TRHDE: variants seen among roughly 807,000 people sequenced by gnomAD.
The protein encoded by TRHDE is thyrotropin-releasing hormone-degrading ectoenzyme.
TRHDE carries 72 observed loss-of-function variants against 125.7 expected under a neutral mutation model. The observed-to-expected ratio is 0.57, with a 90% CI of 0.47 to 0.70. The LOEUF (loss-of-function observed/expected upper bound fraction) is 0.70. Among genes scored for constraint, TRHDE ranks in the 30% least tolerant of loss-of-function variants. The pLI, the probability that TRHDE is intolerant of heterozygous loss-of-function variation, is 0.00. For synonymous variants in TRHDE, 509 were observed against 509.1 expected, an observed-to-expected ratio of 1.00 and a Z score of 0.00; for missense variants, 1,110 against 1,327.1, an observed-to-expected ratio of 0.84 and a Z score of 2.54.
intron 2 of TRHDE, chr12:72,254,690 C>T (rs1326258029): frequency 6.6e-6 from 1 of 152,202 alleles, no homozygotes; most frequent in African/African-American, 2.4e-5. Context: ...ACCCACTTAA[C>T]CATCTTCCTA....
rs537280856 is a variant in TRHDE, at chr12:72,467,556, C to G, written c.1316-2202C>G. Among the ~76,000 whole-genome samples the G allele has an allele frequency of 3.3e-5, 5 of 152,282 alleles. No individual in the cohort carries two copies. In the East Asian group the frequency reaches 7.7e-4, roughly 24 times the overall value. ...AACCAGCCAGGCGCGATGGCTCAGG[C>G]CTGTAATCCTAGCACTTTGGGAGGC... On this transcript the variant is annotated intron_variant, in intron 3 of 18. Coordinates refer to ENST00000261180, the MANE Select transcript of TRHDE (RefSeq NM_013381.3).
chr12:72,263,487 G>T (rs1440145970), intron 2 of TRHDE: 1 of 152,006 alleles, frequency 6.6e-6, no homozygotes, highest in Non-Finnish European at 1.5e-5. Context: ...AGGTTAAATG[G>T]AGGATTATAG....
chr12:72,203,435 T>A (rs1328566943), intron 2 of TRHDE, among the ~76,000 whole-genome samples: 1 of 151,886 alleles, frequency 6.6e-6, no homozygotes, highest in Non-Finnish European at 1.5e-5. Flanking sequence ...GCCACTGCAC[T>A]CCAGCCTGGG....
At chr12:72,634,764 T>A (rs895398098) in intron 15 of TRHDE, among the ~76,000 whole-genome samples, 1 of 151,080 alleles carries the variant, frequency 6.6e-6, no homozygotes, top group African/African-American at 2.4e-5. Flanking sequence ...TGGTTTTTTG[T>A]TCTTGTGATA....
At chr12:72,533,104 TTGTTTTTGG>T (rs1426653284) in intron 6 of TRHDE, among the ~76,000 whole-genome samples, 5 of 152,106 alleles carry the variant, frequency 3.3e-5, no homozygotes, top group Non-Finnish European at 7.4e-5. Flanking sequence ...TTGTTGTTGT[TTGTTTTTGG>T]TGTATTTCTT....
intron 2 of TRHDE, among the ~76,000 whole-genome samples, chr12:72,247,756 G>A (rs1216234045): frequency 6.6e-6 from 1 of 150,808 alleles, no homozygotes; most frequent in African/African-American, 2.4e-5. Context: ...TTTGTGTGGA[G>A]ATTGAGCCAG....
chr12:72,451,375 A>G (rs1276221928), intron 3 of TRHDE, among the ~76,000 whole-genome samples: 1 of 152,144 alleles, frequency 6.6e-6, no homozygotes, highest in Admixed American at 6.6e-5. Flanking sequence ...CATTTATTGA[A>G]GGGACTGTCC....
chr12:72,530,119 T>C (rs1485784910), intron 6 of TRHDE, among the ~76,000 whole-genome samples: 1 of 152,156 alleles, frequency 6.6e-6, no homozygotes, highest in Non-Finnish European at 1.5e-5. Context: ...TTCTTCCCTC[T>C]GTAGAATGTT....
chr12:72,369,707 G>A (rs1565715774), intron 2 of TRHDE, among the ~76,000 whole-genome samples: 1 of 152,030 alleles, frequency 6.6e-6, no homozygotes, highest in Non-Finnish European at 1.5e-5. Flanking sequence ...TCCAGTCCCT[G>A]CATACCATTT....
chr12:72,621,635 G>A lies in TRHDE; in HGVS notation c.2568-9G>A. On this transcript the variant is annotated splice_polypyrimidine_tract_variant and intron_variant, in intron 14 of 18. Transcript: ENST00000261180. ...CTTTTTAATTTGTTTCCCTTTTGAT[G>A]ATATCTAGAGAACTACGTAGAGAAG... is the stretch of plus-strand genomic sequence containing the variant. 6.3e-7 allele frequency: 1 copy of A among 1,584,098 alleles called. No individual in the cohort carries two copies. The highest frequency in any genetic ancestry group is 8.6e-7 in the Non-Finnish European group (1 of 1,163,020).
intron 6 of TRHDE, among the ~76,000 whole-genome samples, chr12:72,531,228 T>G (rs547601541): frequency 2.8e-4 from 43 of 152,228 alleles, no homozygotes; most frequent in African/African-American, 1.0e-3. Context: ...AGATTAAATG[T>G]TTTTCATGTA....
chr12:72,635,579 T>C (rs1234230322), intron 15 of TRHDE, among the ~76,000 whole-genome samples: 4 of 152,138 alleles, frequency 2.6e-5, no homozygotes, highest in South Asian at 2.1e-4. Flanking sequence ...TCCTTGCCCG[T>C]GCCTATGTCC....
intron 2 of TRHDE, among the ~76,000 whole-genome samples, chr12:72,338,378 A>G (rs549217970): frequency 2.0e-5 from 3 of 152,296 alleles, no homozygotes; most frequent in Admixed American, 6.5e-5. Context: ...GCACTTGGTA[A>G]TTTTTAAATA....
At chr12:72,246,997 C>G (rs1175738326) in intron 2 of TRHDE, among the ~76,000 whole-genome samples, 1 of 152,136 alleles carries the variant, frequency 6.6e-6, no homozygotes, top group Non-Finnish European at 1.5e-5. Context: ...GTATATATTG[C>G]ATGCTAAAGC....
intron 2 of TRHDE, among the ~76,000 whole-genome samples, chr12:72,374,021 G>A (rs964984957): frequency 2.0e-5 from 3 of 152,086 alleles, no homozygotes; most frequent in African/African-American, 7.2e-5. Context: ...AAGGAGCAAG[G>A]GACGAGGCAT....
chr12:72,374,536 A>G (rs1239383763), intron 2 of TRHDE, among the ~76,000 whole-genome samples: 1 of 152,158 alleles, frequency 6.6e-6, no homozygotes, highest in African/African-American at 2.4e-5. Flanking sequence ...AAAGAGATCA[A>G]TGTATTGAAA....
At chr12:72,376,610 C>T (rs953697707) in intron 2 of TRHDE, among the ~76,000 whole-genome samples, 1 of 152,178 alleles carries the variant, frequency 6.6e-6, no homozygotes, top group Non-Finnish European at 1.5e-5. Flanking sequence ...AAATAACTTA[C>T]TGCATTGCAG....
chr12:72,621,801 A>C, intron 15 of TRHDE, 50 bp downstream of exon 15: 1 of 1,373,874 alleles, frequency 7.3e-7, no homozygotes. Flanking sequence ...TAGTGCTTTC[A>C]GAGTCTCAGT....
chr12:72,101,642 C>T (rs528770136), intron 1 of TRHDE, among the ~76,000 whole-genome samples: 2 of 152,176 alleles, frequency 1.3e-5, no homozygotes, highest in African/African-American at 4.8e-5. Context: ...TTTGGCAGAT[C>T]CTTCATTCCA....
Sources: gnomAD v4.1 joint callset for allele counts (sites outside exome capture counted in the v4.1 genomes callset) on GRCh38, gnomAD v4.1.1 for gene constraint, MANE v1.5 for transcripts, NCBI Gene and HGNC (gene_info 2026-07-23, HGNC 2026-07-21) for gene names.